The following SLC5A4 variants were observed in gnomAD, a reference collection of about 807,000 sequenced individuals.
The protein encoded by SLC5A4 is solute carrier family 5 member 4.
In SLC5A4, 55 loss-of-function variants were observed where a neutral mutation model predicts 70.3. That is an observed-to-expected ratio of 0.78 (90% CI 0.63 to 0.98). The LOEUF (loss-of-function observed/expected upper bound fraction) is 0.98. SLC5A4 is among the 50% of genes least tolerant of loss of function. The pLI is 0.00. For synonymous variants in SLC5A4, 268 were observed against 305.7 expected, an observed-to-expected ratio of 0.88 and a Z score of 1.29; for missense variants, 735 against 839.2, an observed-to-expected ratio of 0.88 and a Z score of 1.53.
At chr22:32,269,189 C>T in the SLC5A4 span, among the ~76,000 whole-genome samples, 1 of 152,168 alleles carries the variant, frequency 6.6e-6, no homozygotes, top group South Asian at 2.1e-4. This position sits in a 1 kb window ranked among gnomAD's most constrained non-coding sequence, Gnocchi z 4.1. Context: ...CCACGAGCGG[C>T]TGCATGTTTT....
the SLC5A4 span, among the ~76,000 whole-genome samples, chr22:32,288,125 C>G: frequency 6.6e-6 from 1 of 151,766 alleles, no homozygotes; most frequent in South Asian, 2.1e-4. Flanking sequence ...GTTGGGATTA[C>G]AGACATGAGC....
chr22:32,351,345 C>G, the SLC5A4 span, among the ~76,000 whole-genome samples: 1 of 152,042 alleles, frequency 6.6e-6, no homozygotes, highest in Non-Finnish European at 1.5e-5. Context: ...ACTCAAGAAT[C>G]TAAATAATTA....
At chr22:32,285,701 TTC>T in the SLC5A4 span, among the ~76,000 whole-genome samples, 6 of 131,268 alleles carry the variant, frequency 4.6e-5, no homozygotes, top group African/African-American at 1.7e-4. Context: ...AAATCTTATT[TTC>T]TTTTTTTATT....
the SLC5A4 span, among the ~76,000 whole-genome samples, chr22:32,323,154 CA>C: frequency 6.6e-5 from 10 of 152,156 alleles, no homozygotes; most frequent in African/African-American, 2.4e-4. Context: ...TGGCTCGAGA[CA>C]ACAGCTTACA....
At chr22:32,265,952 A>G in the SLC5A4 span, among the ~76,000 whole-genome samples, 6 of 152,366 alleles carry the variant, frequency 3.9e-5, no homozygotes, top group Non-Finnish European at 8.8e-5. Context: ...GAATAGTAAC[A>G]GATTCTGTTA....
chr22:32,240,108 T>A (rs1177506668), intron 5 of SLC5A4, among the ~76,000 whole-genome samples: 1 of 151,690 alleles, frequency 6.6e-6, no homozygotes, highest in Non-Finnish European at 1.5e-5. Flanking sequence ...CAAATAGATA[T>A]GTGCTACAGT....
At chr22:32,279,564 G>A in the SLC5A4 span, among the ~76,000 whole-genome samples, 67 of 152,214 alleles carry the variant, frequency 4.4e-4, no homozygotes, top group African/African-American at 1.5e-3. Context: ...GCCGAGGTGG[G>A]CGGATCACCT....
At position 32,237,091 on chromosome 22, in the gene SLC5A4, A is replaced by G. The variant is rs143263976; in HGVS notation, c.664+153T>C. 8.0e-3 allele frequency among the ~76,000 whole-genome samples: 1,215 copies of G among 152,308 alleles called. 22 individuals carry two copies. The highest frequency in any genetic ancestry group is 0.028 in the African/African-American group (1,156 of 41,550). Reference sequence around the variant, plus strand: ...GAGCTAATAAAGCAAGAAAGAAGTCAGGCAGATATTTCAGTGATGGGGATT... The same window carrying G: ...GAGCTAATAAAGCAAGAAAGAAGTCGGGCAGATATTTCAGTGATGGGGATT... On this transcript the variant is annotated intron_variant, in intron 7 of 14. Coordinates refer to ENST00000266086, the MANE Select transcript of SLC5A4 (RefSeq NM_014227.3).
At chr22:32,334,646 C>T in the SLC5A4 span, among the ~76,000 whole-genome samples, 3 of 152,276 alleles carry the variant, frequency 2.0e-5, no homozygotes, top group Non-Finnish European at 4.4e-5. Flanking sequence ...TCTCCCATCT[C>T]GACAACCCTG....
rs763154387 is a variant in SLC5A4, at chr22:32,225,808, T to C, written c.1296A>G (p.Leu432=). The change falls in exon 12 of 15, where the codon CTA becomes CTG. Residue 432 remains leucine (L), a synonymous_variant. Coordinates refer to ENST00000266086, the MANE Select transcript of SLC5A4 (RefSeq NM_014227.3). ...CCCACACAATGCTCACAACAGTTAATAGAAGAACAAATATCCTGAGAAGAA... is the reference window on the plus strand; with the variant it reads ...CCCACACAATGCTCACAACAGTTAACAGAAGAACAAATATCCTGAGAAGAA... ...LLIAGRIFVL[L]LTVVSIVWVP... The C allele has an allele frequency of 3.1e-6, 5 of 1,603,188 alleles. No homozygotes were observed. Among genetic ancestry groups the C allele is most frequent in the Middle Eastern group, 3.3e-4 (2 of 6,026 alleles).
At chr22:32,322,002 CAATT>C in the SLC5A4 span, among the ~76,000 whole-genome samples, 12 of 152,264 alleles carry the variant, frequency 7.9e-5, no homozygotes, top group South Asian at 2.1e-4. Flanking sequence ...GCATCACACT[CAATT>C]AAGATGAAAG....
the SLC5A4 span, among the ~76,000 whole-genome samples, chr22:32,262,228 G>T: frequency 1.4e-4 from 22 of 152,146 alleles, no homozygotes; most frequent in African/African-American, 4.8e-4. Context: ...CCCAATTGTA[G>T]TTTTTTGAGG....
intron 5 of SLC5A4, among the ~76,000 whole-genome samples, chr22:32,239,518 T>TTTTA (rs1455543266): frequency 9.1e-4 from 23 of 25,224 alleles, no homozygotes; most frequent in Non-Finnish European, 1.2e-3. Flanking sequence ...GGAGTGCATA[T>TTTTA]TATATATATA....
chr22:32,292,432 T>C, the SLC5A4 span, among the ~76,000 whole-genome samples: 1 of 149,640 alleles, frequency 6.7e-6, no homozygotes, highest in Non-Finnish European at 1.5e-5. Flanking sequence ...TGTGTGTGTA[T>C]ATGCTAGAAA....
intron 13 of SLC5A4, among the ~76,000 whole-genome samples, chr22:32,221,725 C>T (rs994836256): frequency 5.9e-5 from 9 of 151,928 alleles, no homozygotes; most frequent in Non-Finnish European, 1.5e-5. Flanking sequence ...GAAATTGCTC[C>T]AAGTATCAAT....
chr22:32,330,352 G>T, the SLC5A4 span, among the ~76,000 whole-genome samples: 1 of 54,070 alleles, frequency 1.8e-5, no homozygotes, highest in Non-Finnish European at 3.2e-5. Flanking sequence ...ATATGTTGGG[G>T]GCTCTGTGTT....
chr22:32,327,596 T>G, the SLC5A4 span, among the ~76,000 whole-genome samples: 3 of 152,232 alleles, frequency 2.0e-5, no homozygotes, highest in African/African-American at 7.2e-5. Context: ...CCAAGCCCAG[T>G]GCAGAGCCTG....
chr22:32,318,638 C>T, the SLC5A4 span, among the ~76,000 whole-genome samples: 3 of 152,182 alleles, frequency 2.0e-5, no homozygotes, highest in Admixed American at 6.5e-5. Context: ...GTGGTCCACA[C>T]TAGCAGGATT....
intron 14 of SLC5A4, 29 bp downstream of exon 14, chr22:32,220,891 A>G (rs747264097): frequency 8.9e-6 from 13 of 1,452,710 alleles, no homozygotes; most frequent in Non-Finnish European, 1.3e-5. Flanking sequence ...GAGTTCCTAC[A>G]TGAAAACCAA....
Sources: allele counts gnomAD v4.1 joint callset (sites outside exome capture counted in the v4.1 genomes callset), GRCh38; gene constraint gnomAD v4.1.1; non-coding constraint Gnocchi (gnomAD v3.1); transcripts MANE v1.5; gene names NCBI Gene and HGNC (gene_info 2026-07-23, HGNC 2026-07-21).